CLIP3: variants seen among roughly 807,000 people sequenced by gnomAD.
CLIP3 encodes CAP-Gly domain containing linker protein 3, also known as CAP-Gly domain-containing linker protein 3.
In CLIP3, 15 loss-of-function variants were observed where a neutral mutation model predicts 59.4. The ratio of observed to expected loss-of-function variants is 0.25; its 90% CI spans 0.17 to 0.39. The LOEUF is 0.39. Among genes scored for constraint, CLIP3 ranks in the 10% least tolerant of loss-of-function variants. The probability of loss-of-function intolerance (pLI) is 1.00; values close to 1 mark genes in which losing one functional copy is unlikely to be tolerated. For missense variants in CLIP3, 495 were observed against 765.7 expected (o/e 0.65, Z 4.17); for synonymous variants, 300 against 321.6 (o/e 0.93, Z 0.72).
chr19:36,025,249 G>A (rs1290006257), intron 6 of CLIP3, among the ~76,000 whole-genome samples: 6 of 152,026 alleles, frequency 3.9e-5, no homozygotes, highest in Non-Finnish European at 8.8e-5. Flanking sequence ...GCAATCTCTG[G>A]AGACCCCAAG....
At chr19:36,027,410 C>T (rs1477329771) in intron 2 of CLIP3, 139 bp from the exon 3 acceptor site, 1 of 898,112 alleles carries the variant, frequency 1.1e-6, no homozygotes, top group Non-Finnish European at 1.6e-6. Flanking sequence ...CACAGTCAAC[C>T]CACAGGCATT....
At position 36,032,047 on chromosome 19, in the gene CLIP3, C is replaced by T. The variant is rs1425253612; in HGVS notation, c.166+145G>A. ...TCCAATGGGTGAATGAATGAATTAA[C>T]GAGGGGTGCTCTGCAGCCAAGATTC... On this transcript the variant is annotated intron_variant, in intron 2 of 13. Coordinates refer to ENST00000360535, the MANE Select transcript of CLIP3 (RefSeq NM_015526.3). This position sits in a 1 kb window ranked among gnomAD's most constrained non-coding sequence, Gnocchi z 4.3. The T allele has an allele frequency of 9.4e-6, 4 of 425,278 alleles. No individual in the cohort carries two copies. Among genetic ancestry groups the T allele is most frequent in the Non-Finnish European group, 1.3e-5 (3 of 239,262 alleles). 26.3% of individuals were successfully genotyped at this position (425,278 alleles called of 1,614,324 possible).
Position 36,020,850 on chromosome 19 carries a change from T to C in CLIP3, c.919-1544A>G, listed in dbSNP as rs533503928. Among the ~76,000 whole-genome samples, 8 of 152,214 alleles carry C rather than the reference T, an allele frequency of 5.3e-5. No individual in the cohort carries two copies. The South Asian group carries it at 1.7e-3, about 32-fold the overall frequency. ...GTAAAGGATCAGCAAGTATTCGTTA[T>C]TGAAATTTTTTTTCTATTTTAGAGA... On this transcript the variant is annotated intron_variant, in intron 7 of 13. Transcript: ENST00000360535.
At position 36,017,693 on chromosome 19, in the gene CLIP3, CG is replaced by C; in HGVS notation, c.1412del (p.Pro471ArgfsTer34). On this transcript the variant is annotated frameshift_variant, in exon 11 of 14. Coordinates refer to ENST00000360535, the MANE Select transcript of CLIP3 (RefSeq NM_015526.3). LOFTEE classifies it high-confidence loss of function. ...ATGCTGGTGCGAAGACCCCATGCCT[CG>C]GGGGGCAAGTGAAGTACCGGACACC... ...VFGVRYFTCPPRHGVFAPASR... is the reference protein window; with the variant it reads ...VFGVRYFTCPXRHGVFAPASR... The C allele has an allele frequency of 6.2e-7, 1 of 1,614,028 alleles. No individual in the cohort carries two copies. Among genetic ancestry groups the C allele is most frequent in the Non-Finnish European group, 8.5e-7 (1 of 1,180,006 alleles).
chr19:36,018,522 C>T (rs547213408), intron 9 of CLIP3, among the ~76,000 whole-genome samples: 27 of 143,884 alleles, frequency 1.9e-4, no homozygotes, highest in Non-Finnish European at 3.6e-4. Flanking sequence ...GCGGAGGTTG[C>T]GGTGAGCCAA....
intron 12 of CLIP3, 134 bp downstream of exon 12, chr19:36,017,252 G>T: frequency 1.1e-6 from 1 of 929,192 alleles, no homozygotes; most frequent in Non-Finnish European, 1.7e-6. Flanking sequence ...TGTGGACCTT[G>T]TCTCATCATT....
chr19:36,021,396 CACTT>C (rs1968948122), intron 7 of CLIP3, among the ~76,000 whole-genome samples: 1 of 152,118 alleles, frequency 6.6e-6, no homozygotes, highest in South Asian at 2.1e-4. Context: ...GTGATCCTCT[CACTT>C]CAGCCTCCCA....
intron 6 of CLIP3, 24 bp from the exon 7 acceptor site, chr19:36,024,656 G>C: frequency 6.2e-7 from 1 of 1,609,736 alleles, no homozygotes; most frequent in African/African-American, 1.3e-5. Flanking sequence ...GGAAAAGAAG[G>C]CAGGGACTCA....
Position 36,017,763 on chromosome 19 carries a change from A to G in CLIP3, c.1343T>C (p.Ile448Thr), listed in dbSNP as rs768257804. 6.2e-7 allele frequency: 1 copy of G among 1,614,142 alleles called. No homozygotes were observed. Among genetic ancestry groups the G allele is most frequent in the Non-Finnish European group, 8.5e-7 (1 of 1,180,018 alleles). The part of the protein sequence containing the change: ...TDFAPGYWYG[I>T]ELDQPTGKHD... ...CTTGCCTGTGGGCTGGTCCAGCTCA[A>G]TGCCATACCAGTAACCTGCAGCACG... is the stretch of plus-strand genomic sequence containing the variant. Residue 448 changes from isoleucine (I) to threonine (T), a missense_variant, in exon 11 of 14, where the codon ATT becomes ACT. Around this residue, in one of 5 missense-constraint regions of CLIP3, gnomAD observed 179 missense variants for 226.2 expected, o/e 0.79. Coordinates refer to ENST00000360535, the MANE Select transcript of CLIP3 (RefSeq NM_015526.3).
rs752063040 is a variant in CLIP3, at chr19:36,017,903, G to A, written c.1272C>T (p.Val424=). The change falls in exon 10 of 14, where the codon GTC becomes GTT. Residue 424 remains valine, a synonymous_variant. Coordinates refer to ENST00000360535, the MANE Select transcript of CLIP3 (RefSeq NM_015526.3). ...AKAEVGDQVL[V]AGQKQGIVRF... ...GCACGATCCCCTGCTTCTGGCCCGCGACAAGGACCTGGTCTCCAACCTCAG... is the reference window on the plus strand; with the variant it reads ...GCACGATCCCCTGCTTCTGGCCCGCAACAAGGACCTGGTCTCCAACCTCAG... 1.5e-5 allele frequency: 25 copies of A among 1,613,948 alleles called. No homozygotes were observed. The highest frequency in any genetic ancestry group is 2.7e-5 in the African/African-American group (2 of 74,894).
chr19:36,016,023 G>T lies in CLIP3; in HGVS notation c.*135C>A. On this transcript the variant is annotated 3_prime_UTR_variant, in exon 14 of 14. Coordinates refer to ENST00000360535, the MANE Select transcript of CLIP3 (RefSeq NM_015526.3). This position sits in a 1 kb window ranked among gnomAD's most constrained non-coding sequence, Gnocchi z 4.1. ...TATCTGTTAATAATGGGGCCTCAATGATCGAGGGCTGGCTAACAGGGGTCT... is the reference window on the plus strand; with the variant it reads ...TATCTGTTAATAATGGGGCCTCAATTATCGAGGGCTGGCTAACAGGGGTCT... 1.2e-6 allele frequency: 1 copy of T among 855,322 alleles called. No homozygotes were observed. Among genetic ancestry groups the T allele is most frequent in the South Asian group, 1.5e-5 (1 of 68,518 alleles). 53.0% of individuals were successfully genotyped at this position (855,322 alleles called of 1,614,324 possible).
In CLIP3 at chr19:36,016,125, G is replaced by T; in HGVS notation, c.*33C>A. Reference sequence around the variant, plus strand: ...CTCGGGTGTCAGGAGATGCTAGTGGGGACTCTGTCTCTTTGTCAGGTGTCC... The same window carrying T: ...CTCGGGTGTCAGGAGATGCTAGTGGTGACTCTGTCTCTTTGTCAGGTGTCC... On this transcript the variant is annotated 3_prime_UTR_variant, in exon 14 of 14. Transcript: ENST00000360535. The surrounding 1 kb of genome is among the most constrained non-coding windows in gnomAD (Gnocchi z 4.1). The T allele has an allele frequency of 6.2e-7, 1 of 1,612,632 alleles. No homozygotes were observed. Among genetic ancestry groups the T allele is most frequent in the Non-Finnish European group, 8.5e-7 (1 of 1,178,854 alleles).
intron 7 of CLIP3, 22 bp from the exon 8 acceptor site, chr19:36,019,328 T>C (rs367626402): frequency 6.3e-7 from 1 of 1,599,538 alleles, no homozygotes; most frequent in Non-Finnish European, 8.5e-7. Flanking sequence ...AGGGAGGCGA[T>C]GGCTAAGGAA....
Position 36,018,902 on chromosome 19 carries a change from G to T in CLIP3, c.1179C>A (p.His393Gln). The stretch of plus-strand genomic sequence containing the variant: ...CACAGGGATCCCCTCTCTGACCTTT[G>T]TGTTCCCTGCGGCCTTTGCCGGTGA... Reference protein sequence around the residue: ...SRVTGKGRREHKGKKKTPSSP... With the variant: ...SRVTGKGRREQKGKKKTPSSP... Residue 393 changes from histidine (H) to glutamine (Q), a missense_variant, in exon 9 of 14, where the codon CAC becomes CAA. Physicochemically the swap from His to Gln is conservative, Grantham distance 24. Coordinates refer to ENST00000360535, the MANE Select transcript of CLIP3 (RefSeq NM_015526.3). 1 of 1,613,374 alleles carries T rather than the reference G, an allele frequency of 6.2e-7. No individual in the cohort carries two copies. Among genetic ancestry groups the T allele is most frequent in the Non-Finnish European group, 8.5e-7 (1 of 1,179,674 alleles).
intron 2 of CLIP3, among the ~76,000 whole-genome samples, chr19:36,028,108 G>A (rs544586876): frequency 3.3e-5 from 5 of 151,856 alleles, no homozygotes; most frequent in African/African-American, 2.4e-5. Flanking sequence ...AGGCCGGGGC[G>A]GGCGGATCAC....
At position 36,016,818 on chromosome 19, in the gene CLIP3, C is replaced by T. The variant is rs778749371; in HGVS notation, c.1589+89G>A. 5.8e-6 allele frequency: 8 copies of T among 1,382,776 alleles called. No homozygotes were observed. Among genetic ancestry groups the T allele is most frequent in the African/African-American group, 1.4e-5 (1 of 69,958 alleles). 85.7% of individuals were successfully genotyped at this position (1,382,776 alleles called of 1,614,324 possible). A position where few individuals can be genotyped will look rare whatever the true frequency, so the allele number is the denominator to read the frequency against. ...TCCTAACCTCTCTTTCCAGCCCTGACCAGAGCTCCAGACCTCTGGGTCCAA... is the reference window on the plus strand; with the variant it reads ...TCCTAACCTCTCTTTCCAGCCCTGATCAGAGCTCCAGACCTCTGGGTCCAA... On this transcript the variant is annotated intron_variant, in intron 13 of 13. Coordinates refer to ENST00000360535, the MANE Select transcript of CLIP3 (RefSeq NM_015526.3). The surrounding 1 kb of genome is among the most constrained non-coding windows in gnomAD (Gnocchi z 4.1).
intron 7 of CLIP3, among the ~76,000 whole-genome samples, chr19:36,019,629 C>A (rs1349665631): frequency 2.3e-4 from 34 of 146,096 alleles, no homozygotes; most frequent in Admixed American, 4.9e-4. Context: ...TTCGAGACAG[C>A]GTCTCACTCT....
Position 36,016,323 on chromosome 19 carries a change from CCTCTACCT to C in CLIP3, c.1590-119_1590-112del. ...TGCTATCAGGCCTTTCTGGATTCTG[CCTCTACCT>C]CTCTGGCTGTGGTTTGTTTGTTTGT... On this transcript the variant is annotated intron_variant, in intron 13 of 13. Coordinates refer to ENST00000360535, the MANE Select transcript of CLIP3 (RefSeq NM_015526.3). This position sits in a 1 kb window ranked among gnomAD's most constrained non-coding sequence, Gnocchi z 4.1. 8.5e-7 allele frequency: 1 copy of C among 1,171,128 alleles called. No homozygotes were observed. Among genetic ancestry groups the C allele is most frequent in the South Asian group, 1.3e-5 (1 of 78,050 alleles). The allele number at this position is 1,171,128 out of a possible 1,614,324, so 72.5% of individuals were successfully genotyped here.
Position 36,016,063 on chromosome 19 carries a change from T to C in CLIP3, c.*95A>G. On this transcript the variant is annotated 3_prime_UTR_variant, in exon 14 of 14. Coordinates refer to ENST00000360535, the MANE Select transcript of CLIP3 (RefSeq NM_015526.3). The surrounding 1 kb of genome is among the most constrained non-coding windows in gnomAD (Gnocchi z 4.1). The stretch of plus-strand genomic sequence containing the variant: ...AACAGGGGTCTCTACTCTGGATGTG[T>C]TACTGGGAATCTCTATCTCAGGGTG... 4 of 1,328,122 alleles carry C rather than the reference T, an allele frequency of 3.0e-6. No homozygotes were observed. The highest frequency in any genetic ancestry group is 4.3e-6 in the Non-Finnish European group (4 of 931,010). The allele number at this position is 1,328,122 out of a possible 1,614,324, so 82.3% of individuals were successfully genotyped here. A position where few individuals can be genotyped will look rare whatever the true frequency, so the allele number is the denominator to read the frequency against.
Sources: allele counts gnomAD v4.1 joint callset (sites outside exome capture counted in the v4.1 genomes callset), GRCh38; gene constraint gnomAD v4.1.1; regional missense constraint gnomAD v4.1.1; non-coding constraint Gnocchi (gnomAD v3.1); transcripts MANE v1.5; gene names NCBI Gene and HGNC (gene_info 2026-07-23, HGNC 2026-07-21).